The following DNAH2 variants were observed in gnomAD, a reference collection of about 807,000 sequenced individuals.
DNAH2 encodes dynein axonemal heavy chain 2, also known as axonemal beta dynein heavy chain 2.
Under a neutral mutation model 523.5 loss-of-function variants are expected in DNAH2, and 323 were observed. That is an observed-to-expected ratio of 0.62 (90% CI 0.56 to 0.68). DNAH2 has a LOEUF of 0.68. Among genes scored for constraint, DNAH2 ranks in the 30% least tolerant of loss-of-function variants. The probability of loss-of-function intolerance (pLI) is 0.00; values close to 1 mark genes in which losing one functional copy is unlikely to be tolerated. For missense variants in DNAH2, 4,907 were observed against 5,701.5 expected, an observed-to-expected ratio of 0.86 and a Z score of 4.49; for synonymous variants, 2,093 against 2,177.4, an observed-to-expected ratio of 0.96 and a Z score of 1.08.
intron 4 of DNAH2, among the ~76,000 whole-genome samples, chr17:7,728,618 C>A (rs1004308229): frequency 1.3e-5 from 2 of 151,908 alleles, no homozygotes; most frequent in African/African-American, 4.8e-5. Context: ...TGTTGCAGGC[C>A]GTGAAAAACG....
chr17:7,790,663 C>T (rs771116286), intron 44 of DNAH2, among the ~76,000 whole-genome samples: 4 of 152,200 alleles, frequency 2.6e-5, no homozygotes, highest in Admixed American at 6.5e-5. Context: ...TCACTCCACA[C>T]AAGTAACTAC....
Position 7,770,883 on chromosome 17 carries a change from G to T in DNAH2, c.4312G>T (p.Glu1438Ter). ...GGAACGCTGCCTCTCCCTCATTTTG[G>T]AGGTTATTGAGATGATTCTCACAGT... ...HWERCLSLILEVIEMILTVQR... is the reference protein window; with the variant it reads ...HWERCLSLIL Residue 1438 changes from glutamate to a stop codon, truncating the protein, a stop_gained, in exon 27 of 86, where the codon GAG becomes TAG. Transcript: ENST00000572933. LOFTEE classifies it high-confidence loss of function. The T allele has an allele frequency of 6.2e-7, 1 of 1,614,136 alleles. No homozygotes were observed. The highest frequency in any genetic ancestry group is 8.5e-7 in the Non-Finnish European group (1 of 1,180,024).
rs563615960 is a variant in DNAH2 at position 7,718,411 on chromosome 17, C to G, written c.-403C>G. The stretch of plus-strand genomic sequence containing the variant: ...AACCTGAGATCAATGCCTGTGGCAG[C>G]CTGTGGGGATGAGGAAGGAGAGCCA... On this transcript the variant is annotated 5_prime_UTR_variant, in exon 1 of 86. Coordinates refer to ENST00000572933, the MANE Select transcript of DNAH2 (RefSeq NM_020877.5). The G allele has an allele frequency of 6.6e-6, 1 of 152,150 alleles. No individual in the cohort carries two copies. The highest frequency in any genetic ancestry group is 1.5e-5 in the Non-Finnish European group (1 of 68,036). 9.4% of individuals were successfully genotyped at this position (152,150 alleles called of 1,614,324 possible).
intron 63 of DNAH2, among the ~76,000 whole-genome samples, chr17:7,808,908 C>G (rs983159058): frequency 3.9e-5 from 6 of 152,216 alleles, no homozygotes; most frequent in Non-Finnish European, 7.3e-5. Flanking sequence ...CTGCCCCCAG[C>G]CTGCACCTTA....
In DNAH2 at chr17:7,759,140, C is replaced by T; in HGVS notation, c.2448+16C>T. The T allele has an allele frequency of 6.2e-7, 1 of 1,612,546 alleles. No individual in the cohort carries two copies. Among genetic ancestry groups the T allele is most frequent in the Non-Finnish European group, 8.5e-7 (1 of 1,179,268 alleles). Reference sequence around the variant, plus strand: ...TGGTCCTGAGGTAGGGTTCCTGTGGCCAGGATGTTGTGGTTGGAAAAACCA... The same window carrying T: ...TGGTCCTGAGGTAGGGTTCCTGTGGTCAGGATGTTGTGGTTGGAAAAACCA... On this transcript the variant is annotated intron_variant, in intron 15 of 85. Coordinates refer to ENST00000572933, the MANE Select transcript of DNAH2 (RefSeq NM_020877.5).
In DNAH2 at chr17:7,817,600, A is replaced by G. The variant is rs1567748631; in HGVS notation, c.10060A>G (p.Ile3354Val). The G allele has an allele frequency of 1.2e-6, 2 of 1,614,098 alleles. No homozygotes were observed. The highest frequency in any genetic ancestry group is 1.1e-5 in the South Asian group (1 of 91,080). ...GGTTCCTTGCTCCCCTTCTTTCGCCATCGATAACTTCCTGTGCAATCCTAC... is the reference window on the plus strand; with the variant it reads ...GGTTCCTTGCTCCCCTTCTTTCGCCGTCGATAACTTCCTGTGCAATCCTAC... ...LQVPCSPSFA[I>V]DNFLCNPTKV... is the part of the protein sequence containing the mutation. The change falls in exon 66 of 86, where the codon ATC (isoleucine) becomes GTC (valine). Residue 3354 changes from isoleucine (I) to valine (V), a missense_variant. Physicochemically the swap from Ile to Val is conservative, Grantham distance 29. Transcript: ENST00000572933.
In DNAH2 at chr17:7,830,677, G is replaced by T. The variant is rs138339839; in HGVS notation, c.12065G>T (p.Ser4022Ile). 6.2e-7 allele frequency: 1 copy of T among 1,614,072 alleles called. No individual in the cohort carries two copies. The highest frequency in any genetic ancestry group is 1.1e-5 in the South Asian group (1 of 91,092). Residue 4022 changes from serine (S) to isoleucine (I), a missense_variant, in exon 79 of 86, where the codon AGC becomes ATC. Physicochemically the swap from Ser to Ile is moderately radical, Grantham distance 142. This residue lies in a region of DNAH2 where 1,851 missense variants were observed against 2,139.4 expected (regional missense o/e 0.87). Transcript: ENST00000572933. The part of the protein sequence containing the change: ...SDFEVSENLL[S>I]LYLDEYEETP... Reference sequence around the variant, plus strand: ...GCCTAGGTGTCAGAAAACTTGCTGAGCCTCTATCTCGATGAGTACGAGGAG... The same window carrying T: ...GCCTAGGTGTCAGAAAACTTGCTGATCCTCTATCTCGATGAGTACGAGGAG...
At chr17:7,823,712 C>T in intron 74 of DNAH2, 84 bp downstream of exon 74, 1 of 1,580,440 alleles carries the variant, frequency 6.3e-7, no homozygotes, top group Non-Finnish European at 8.6e-7. Flanking sequence ...TCCTCCATCC[C>T]CTCTCCCAGC....
In DNAH2 at chr17:7,770,287, A is replaced by C; in HGVS notation, c.3977A>C (p.Glu1326Ala). 1 of 1,613,140 alleles carries C rather than the reference A, an allele frequency of 6.2e-7. No individual in the cohort carries two copies. Among genetic ancestry groups the C allele is most frequent in the Non-Finnish European group, 8.5e-7 (1 of 1,179,588 alleles). Residue 1326 changes from glutamate to alanine, a missense_variant, in exon 25 of 86, where the codon GAG becomes GCG. Around this residue, in one of 3 missense-constraint regions of DNAH2, gnomAD observed 2,806 missense variants for 3,190.8 expected, o/e 0.88. Coordinates refer to ENST00000572933, the MANE Select transcript of DNAH2 (RefSeq NM_020877.5). Reference protein sequence around the residue: ...WDQVRDEIQREFDQESESFTL... With the variant: ...WDQVRDEIQRAFDQESESFTL... ...CAGGTCCGGGATGAGATCCAGCGGG[A>C]GTTTGATCAGGAATCTGAAAGCTTC... is the stretch of plus-strand genomic sequence containing the variant.
At chr17:7,725,425 A>AATATATATATATATATATATATATATAT (rs71387992) in intron 3 of DNAH2, among the ~76,000 whole-genome samples, 1,500 of 123,998 alleles carry the variant, frequency 0.012, 36 homozygotes, top group African/African-American at 0.025. Flanking sequence ...ACTTCAAGTG[A>AATATATATATATATATATATATATATAT]ATATATATAT....
In DNAH2 at chr17:7,733,249, G is replaced by A; in HGVS notation, c.562G>A (p.Gly188Ser). The A allele has an allele frequency of 6.2e-7, 1 of 1,614,184 alleles. No individual in the cohort carries two copies. The highest frequency in any genetic ancestry group is 8.5e-7 in the Non-Finnish European group (1 of 1,180,042). ...TGCCCCTCAGATCTTTGCAAACACAGGCTGGCCTGAGAGCATTAGAAATCA... is the reference window on the plus strand; with the variant it reads ...TGCCCCTCAGATCTTTGCAAACACAAGCTGGCCTGAGAGCATTAGAAATCA... The part of the protein sequence containing the change: ...VFAPQIFANT[G>S]WPESIRNHFA... The change falls in exon 5 of 86, where the codon GGC (glycine) becomes AGC (serine). Residue 188 changes from glycine to serine, a missense_variant. Physicochemically the swap from Gly to Ser is moderately conservative, Grantham distance 56 (BLOSUM62 0). Coordinates refer to ENST00000572933, the MANE Select transcript of DNAH2 (RefSeq NM_020877.5).
At chr17:7,802,118 C>T in intron 58 of DNAH2, 101 bp downstream of exon 58, 1 of 1,482,242 alleles carries the variant, frequency 6.7e-7, no homozygotes, top group South Asian at 1.3e-5. Context: ...GACACAAAGG[C>T]CACAGTTCTG....
rs2074541974 is a variant in DNAH2 at position 7,719,801 on chromosome 17, G to A, written c.67G>A (p.Gly23Arg). 6.2e-7 allele frequency: 1 copy of A among 1,613,950 alleles called. No individual in the cohort carries two copies. The highest frequency in any genetic ancestry group is 1.3e-5 in the African/African-American group (1 of 75,066). Residue 23 changes from glycine to arginine, a missense_variant, in exon 2 of 86, where the codon GGG becomes AGG. Physicochemically the swap from Gly to Arg is moderately radical, Grantham distance 125. Around this residue, in one of 3 missense-constraint regions of DNAH2, gnomAD observed 2,806 missense variants for 3,190.8 expected, o/e 0.88. Coordinates refer to ENST00000572933, the MANE Select transcript of DNAH2 (RefSeq NM_020877.5). Reference sequence around the variant, plus strand: ...AGGAAGCTCCCAGGCAAGCTGGTCAGGGCGGGCCACTCGGGCTGCTGTGGC... The same window carrying A: ...AGGAAGCTCCCAGGCAAGCTGGTCAAGGCGGGCCACTCGGGCTGCTGTGGC... ...GRGSSQASWS[G>R]RATRAAVATQ...
chr17:7,775,691 C>CAAAAAA (rs1184382847), intron 30 of DNAH2, among the ~76,000 whole-genome samples: 1 of 82,860 alleles, frequency 1.2e-5, no homozygotes, highest in Non-Finnish European at 2.7e-5. Context: ...GTCTCAAAAC[C>CAAAAAA]AAAAAAAAAA....
chr17:7,831,420 A>C lies in DNAH2; in HGVS notation c.12490A>C (p.Lys4164Gln), dbSNP rs747786508. ...VLELAADVKQ[K>Q]IPEMIDYEGT... ...TGAGTTGGCCGCTGATGTGAAGCAG[A>C]AGATCCCTGAAATGATCGACTATGA... The change falls in exon 81 of 86, where the codon AAG (lysine) becomes CAG (glutamine). Residue 4164 changes from lysine (K) to glutamine (Q), a missense_variant. This residue lies in a region of DNAH2 where 1,851 missense variants were observed against 2,139.4 expected (regional missense o/e 0.87). Coordinates refer to ENST00000572933, the MANE Select transcript of DNAH2 (RefSeq NM_020877.5). This position sits in a 1 kb window ranked among gnomAD's most constrained non-coding sequence, Gnocchi z 4.2. The C allele has an allele frequency of 3.1e-5, 50 of 1,614,034 alleles. 1 individual carries two copies. In the South Asian group the frequency reaches 4.8e-4, roughly 16 times the overall value.
At chr17:7,788,024 A>G (rs1451678797) in intron 43 of DNAH2, 27 bp downstream of exon 43, 1 of 1,613,504 alleles carries the variant, frequency 6.2e-7, no homozygotes, top group South Asian at 1.1e-5. Flanking sequence ...GGAGAGGGAA[A>G]GTAACCAGGG....
At position 7,828,459 on chromosome 17, in the gene DNAH2, CT is replaced by C. The variant is rs1222008129; in HGVS notation, c.11854-1834del. On this transcript the variant is annotated intron_variant, in intron 77 of 85. Coordinates refer to ENST00000572933, the MANE Select transcript of DNAH2 (RefSeq NM_020877.5). The surrounding 1 kb of genome is among the most constrained non-coding windows in gnomAD (Gnocchi z 4.1). ...TTTCTCCATTTATTCATTTTTTCCTCTTTTTTTAGACAGAGAGGGTCTTGCT... is the reference window on the plus strand; with the variant it reads ...TTTCTCCATTTATTCATTTTTTCCTCTTTTTTAGACAGAGAGGGTCTTGCT... Among the ~76,000 whole-genome samples, 8 of 152,028 alleles carry C rather than the reference CT, an allele frequency of 5.3e-5. No individual in the cohort carries two copies. In the East Asian group the frequency reaches 1.5e-3, roughly 29 times the overall value.
At chr17:7,723,758 G>C (rs2151118364) in intron 3 of DNAH2, 69 bp downstream of exon 3, 2 of 1,345,024 alleles carry the variant, frequency 1.5e-6, no homozygotes, top group East Asian at 2.3e-5. Flanking sequence ...ATCAGTTGTG[G>C]ATGGCACATG....
At chr17:7,761,612 G>A (rs2076007758) in intron 18 of DNAH2, among the ~76,000 whole-genome samples, 3 of 151,710 alleles carry the variant, frequency 2.0e-5, no homozygotes, top group Admixed American at 6.6e-5. Flanking sequence ...AGCCTCCCGA[G>A]TAGCTGGGAT....
Sources: gnomAD v4.1 joint callset for allele counts (sites outside exome capture counted in the v4.1 genomes callset) on GRCh38, gnomAD v4.1.1 for gene constraint, gnomAD v4.1.1 regional missense constraint, Gnocchi (gnomAD v3.1) non-coding constraint, MANE v1.5 for transcripts, NCBI Gene and HGNC (gene_info 2026-07-23, HGNC 2026-07-21) for gene names.